ZDHHC5: variants seen among roughly 807,000 people sequenced by gnomAD.
ZDHHC5 encodes the protein zDHHC palmitoyltransferase 5, also known as palmitoyltransferase ZDHHC5.
In ZDHHC5, 22 loss-of-function variants were observed where a neutral mutation model predicts 70.0. The ratio of observed to expected loss-of-function variants is 0.31; its 90% CI spans 0.22 to 0.45. The LOEUF (loss-of-function observed/expected upper bound fraction) is 0.45, where lower values mean the gene tolerates loss of function less well. ZDHHC5 is among the 20% of genes least tolerant of loss of function. The pLI is 1.00. For synonymous variants in ZDHHC5, 313 were observed against 347.8 expected (o/e 0.90, Z 1.11); for missense variants, 746 against 926.9 (o/e 0.80, Z 2.53).
chr11:57,682,372 G>A (rs368997875), intron 2 of ZDHHC5, 50 bp from the exon 3 acceptor site: 33 of 1,567,054 alleles, frequency 2.1e-5, no homozygotes, highest in Middle Eastern at 1.7e-4. Flanking sequence ...TGTATGGTTC[G>A]TGTCCAAAAT....
chr11:57,672,287 A>G lies in ZDHHC5; in HGVS notation c.-804A>G, dbSNP rs898287844. 5.0e-6 allele frequency: 2 copies of G among 398,420 alleles called. No individual in the cohort carries two copies. The highest frequency in any genetic ancestry group is 8.8e-6 in the Non-Finnish European group (2 of 226,060). The allele number at this position is 398,420 out of a possible 1,614,324, so 24.7% of individuals were successfully genotyped here. The stretch of plus-strand genomic sequence containing the variant: ...GCCCTTAAAGGGCTTGGGAATAACA[A>G]GAAGAGATTGAAGACAGAGAAGCTT... On this transcript the variant is annotated 5_prime_UTR_variant, in exon 2 of 12. Coordinates refer to ENST00000287169, the MANE Select transcript of ZDHHC5 (RefSeq NM_015457.3).
intron 2 of ZDHHC5, among the ~76,000 whole-genome samples, chr11:57,680,557 G>T (rs565458356): frequency 4.1e-4 from 63 of 152,296 alleles, no homozygotes; most frequent in African/African-American, 1.5e-3. Flanking sequence ...TAAATCATGG[G>T]CACCTCAGTG....
At position 57,693,650 on chromosome 11, in the gene ZDHHC5, G is replaced by A. The variant is rs1946313640; in HGVS notation, c.753-133G>A. On this transcript the variant is annotated intron_variant, in intron 7 of 11. Transcript: ENST00000287169. Reference sequence around the variant, plus strand: ...ATCAATTCTGTTTATTGCTAAGTAAGTGATGGCCAAAACTGCAATTACTTT... The same window carrying A: ...ATCAATTCTGTTTATTGCTAAGTAAATGATGGCCAAAACTGCAATTACTTT... 5 of 1,346,460 alleles carry A rather than the reference G, an allele frequency of 3.7e-6. No individual in the cohort carries two copies. The Admixed American group carries it at 1.5e-4, about 40-fold the overall frequency. 83.4% of individuals were successfully genotyped at this position (1,346,460 alleles called of 1,614,324 possible).
chr11:57,694,911 G>T (rs1349609174), intron 8 of ZDHHC5, among the ~76,000 whole-genome samples: 1 of 152,110 alleles, frequency 6.6e-6, no homozygotes, highest in African/African-American at 2.4e-5. Context: ...AGGAGCTCAA[G>T]ACCAGCCTGG....
At chr11:57,695,782 T>C in intron 8 of ZDHHC5, 138 bp from the exon 9 acceptor site, 1 of 1,177,336 alleles carries the variant, frequency 8.5e-7, no homozygotes, top group Non-Finnish European at 1.1e-6. Context: ...GTCAACAGAG[T>C]GAGACCTTGT....
rs558711732 is a variant in ZDHHC5, at chr11:57,688,983, C to T, written c.384+318C>T. On this transcript the variant is annotated intron_variant, in intron 4 of 11. Coordinates refer to ENST00000287169, the MANE Select transcript of ZDHHC5 (RefSeq NM_015457.3). ...GCTTCAAGTGATCCTCATGCCCTGG[C>T]CTCCCAGAGTGCTGAGTGCTGGGAT... 1.4e-3 allele frequency among the ~76,000 whole-genome samples: 211 copies of T among 152,256 alleles called. 7 individuals are homozygous for T. Among genetic ancestry groups the T allele is most frequent in the Admixed American group, 5.9e-4 (9 of 15,282 alleles).
At chr11:57,679,624 T>C (rs1946122062) in intron 2 of ZDHHC5, among the ~76,000 whole-genome samples, 1 of 152,160 alleles carries the variant, frequency 6.6e-6, no homozygotes, top group South Asian at 2.1e-4. Context: ...TTATGATTAT[T>C]GCCATAGTCT....
At position 57,672,644 on chromosome 11, in the gene ZDHHC5, G is replaced by T. The variant is rs118112861; in HGVS notation, c.-447G>T. On this transcript the variant is annotated 5_prime_UTR_variant, in exon 2 of 12. Transcript: ENST00000287169. ...GTGGAGGTACTATAGTATCTCAGAA[G>T]AATTTTTCTTTGCCCAAAGTTTTTT... 190 of 192,618 alleles carry T rather than the reference G, an allele frequency of 9.9e-4. No individual in the cohort carries two copies. The highest frequency in any genetic ancestry group is 1.8e-3 in the Non-Finnish European group (175 of 95,264). The allele number at this position is 192,618 out of a possible 1,614,324, so 11.9% of individuals were successfully genotyped here.
chr11:57,686,045 A>T (rs1415019662), intron 3 of ZDHHC5, among the ~76,000 whole-genome samples: 1 of 152,120 alleles, frequency 6.6e-6, no homozygotes, highest in Non-Finnish European at 1.5e-5. Flanking sequence ...AAAAACAAAT[A>T]CATTGTGTAA....
At position 57,700,049 on chromosome 11, in the gene ZDHHC5, T is replaced by C; in HGVS notation, c.*18T>C. 1 of 1,552,316 alleles carries C rather than the reference T, an allele frequency of 6.4e-7. No homozygotes were observed. Among genetic ancestry groups the C allele is most frequent in the South Asian group, 1.3e-5 (1 of 79,696 alleles). On this transcript the variant is annotated 3_prime_UTR_variant, in exon 12 of 12. Transcript: ENST00000287169. ...CGGTGTGAGCCTTCGGCACCTCCCC[T>C]CCCCAACGCCTCTGCGCCTACACCA...
Position 57,700,067 on chromosome 11 carries a change from C to T in ZDHHC5, c.*36C>T, listed in dbSNP as rs1042423140. 1 of 1,527,820 alleles carries T rather than the reference C, an allele frequency of 6.5e-7. No homozygotes were observed. The highest frequency in any genetic ancestry group is 1.4e-5 in the African/African-American group (1 of 72,096). 94.6% of individuals were successfully genotyped at this position (1,527,820 alleles called of 1,614,324 possible). ...CCTCCCCTCCCCAACGCCTCTGCGC[C>T]TACACCAAAGGGCCCCAGGTGGCCA... On this transcript the variant is annotated 3_prime_UTR_variant, in exon 12 of 12. Coordinates refer to ENST00000287169, the MANE Select transcript of ZDHHC5 (RefSeq NM_015457.3).
chr11:57,682,309 A>C, intron 2 of ZDHHC5, 113 bp from the exon 3 acceptor site: 1 of 1,399,310 alleles, frequency 7.1e-7, no homozygotes, highest in Non-Finnish European at 9.5e-7. Context: ...GCAAAGGTAA[A>C]CCACACAAGA....
At chr11:57,685,378 T>G (rs1946196565) in intron 3 of ZDHHC5, among the ~76,000 whole-genome samples, 1 of 152,234 alleles carries the variant, frequency 6.6e-6, no homozygotes, top group African/African-American at 2.4e-5. Context: ...TGGCCGGGCG[T>G]GGTGGCTTAC....
chr11:57,681,272 T>A (rs1946146858), intron 2 of ZDHHC5, among the ~76,000 whole-genome samples: 1 of 152,136 alleles, frequency 6.6e-6, no homozygotes, highest in Non-Finnish European at 1.5e-5. Flanking sequence ...ACTGCTGTGG[T>A]TTAATTCTCT....
intron 2 of ZDHHC5, among the ~76,000 whole-genome samples, chr11:57,677,635 C>CATGAT (rs1436922122): frequency 6.6e-6 from 1 of 152,146 alleles, no homozygotes; most frequent in Non-Finnish European, 1.5e-5. Context: ...TATGGAAATC[C>CATGAT]ATGATGGTCT....
rs1459292423 is a variant in ZDHHC5, at chr11:57,690,116, C to T, written c.470C>T (p.Thr157Ile). The change falls in exon 5 of 12, where the codon ACA (threonine) becomes ATA (isoleucine). Residue 157 changes from threonine (T) to isoleucine (I), a missense_variant. Physicochemically the swap from Thr to Ile is moderately conservative, Grantham distance 89. Transcript: ENST00000287169. ...TTTTTCCTTTTCCTCCTTTCCCTGA[C>T]AGCCCACATTATGGGTGTGTTTGGC... ...RYFFLFLLSL[T>I]AHIMGVFGFG... 6.2e-7 allele frequency: 1 copy of T among 1,614,120 alleles called. No individual in the cohort carries two copies. The highest frequency in any genetic ancestry group is 8.5e-7 in the Non-Finnish European group (1 of 1,180,024).
intron 8 of ZDHHC5, among the ~76,000 whole-genome samples, chr11:57,694,482 C>T (rs1382400784): frequency 6.6e-6 from 1 of 152,024 alleles, no homozygotes; most frequent in Non-Finnish European, 1.5e-5. Flanking sequence ...GTGCCTCAGC[C>T]ACCTGGGTAG....
At chr11:57,685,096 C>G (rs775380998) in intron 3 of ZDHHC5, among the ~76,000 whole-genome samples, 39 of 151,952 alleles carry the variant, frequency 2.6e-4, no homozygotes, top group Admixed American at 4.6e-4. Flanking sequence ...TGCAGTGAGC[C>G]GAGATTGTGC....
chr11:57,677,718 C>CCA (rs1277443990), intron 2 of ZDHHC5, among the ~76,000 whole-genome samples: 1 of 152,180 alleles, frequency 6.6e-6, no homozygotes, highest in African/African-American at 2.4e-5. Flanking sequence ...ACCCTTTTAC[C>CCA]CACAGGAAGT....
Sources: allele counts gnomAD v4.1 joint callset (sites outside exome capture counted in the v4.1 genomes callset), GRCh38; gene constraint gnomAD v4.1.1; transcripts MANE v1.5; gene names NCBI Gene and HGNC (gene_info 2026-07-23, HGNC 2026-07-21).